The following AMMECR1 variants were observed in gnomAD, a reference collection of about 807,000 sequenced individuals.
The protein encoded by AMMECR1 is nuclear protein AMMECR1.
A neutral mutation model predicts 22.5 loss-of-function variants in AMMECR1; 3 were observed. The ratio of observed to expected loss-of-function variants is 0.13; its 90% CI spans 0.06 to 0.35. AMMECR1 has a LOEUF of 0.35. Among genes scored for constraint, AMMECR1 ranks in the 10% least tolerant of loss-of-function variants. The pLI is 1.00. For synonymous variants in AMMECR1, 130 were observed against 116.7 expected (o/e 1.11, Z -0.74); for missense variants, 235 against 278.7 (o/e 0.84, Z 1.12).
At chrX:110,319,889 C>G (rs1188819574), upstream of AMMECR1, among the ~76,000 whole-genome samples, 1 of 112,012 alleles carries the variant, frequency 8.9e-6, no homozygotes, top group Non-Finnish European at 1.9e-5. Context: ...ACATTACACT[C>G]CAGCAGGTGG....
At chrX:110,329,250 G>A (rs1256875194) in intron 2 of AMMECR1, among the ~76,000 whole-genome samples, 3 of 111,919 alleles carry the variant, frequency 2.7e-5, no homozygotes, top group Admixed American at 9.4e-5. Flanking sequence ...TTTCTTGGCC[G>A]CATAAATGTC....
rs141081578 is a variant in AMMECR1 at position 110,219,049 on chromosome X, G to A, written c.585-2417C>T. On this transcript the variant is annotated intron_variant, in intron 2 of 5. Transcript: ENST00000262844. ...TTTGTTACCTATTCATTGGTTGATG[G>A]ACATTTGGGCTGTTCCCACTTTTTG... is the stretch of plus-strand genomic sequence containing the variant. Among the ~76,000 whole-genome samples, 491 of 111,875 alleles carry A rather than the reference G, an allele frequency of 4.4e-3. 5 individuals are homozygous for A. Among genetic ancestry groups the A allele is most frequent in the Middle Eastern group, 0.023 (5 of 219 alleles).
intron 2 of AMMECR1, among the ~76,000 whole-genome samples, chrX:110,330,613 C>G (rs1025924179): frequency 8.9e-6 from 1 of 112,007 alleles, no homozygotes; most frequent in Non-Finnish European, 1.9e-5. Context: ...TCTAGTAACT[C>G]ATTTTTATTA....
chrX:110,337,641 C>T (rs983265596), intron 2 of AMMECR1, among the ~76,000 whole-genome samples: 5 of 111,647 alleles, frequency 4.5e-5, no homozygotes, highest in South Asian at 3.8e-4. Context: ...GGTTCAACCA[C>T]TGTGGGAAAC....
chrX:110,202,822 G>A (rs1339710030), intron 3 of AMMECR1, among the ~76,000 whole-genome samples: 1 of 111,312 alleles, frequency 9.0e-6, no homozygotes, highest in African/African-American at 3.3e-5. Context: ...TAAGACGGTT[G>A]ATGGCAAAAA....
intron 2 of AMMECR1, among the ~76,000 whole-genome samples, chrX:110,351,650 A>G (rs1218247778): frequency 1.7e-4 from 19 of 112,028 alleles, no homozygotes. Context: ...AAAAGGAAAC[A>G]TAGATGTAAA....
intron 2 of AMMECR1, among the ~76,000 whole-genome samples, chrX:110,372,819 C>T (rs1361013171): frequency 2.7e-5 from 3 of 111,400 alleles, no homozygotes; most frequent in Non-Finnish European, 5.7e-5. Flanking sequence ...ATTGACATTT[C>T]ACCACTCACA....
At chrX:110,337,318 A>G (rs1438725665) in intron 2 of AMMECR1, among the ~76,000 whole-genome samples, 3 of 112,024 alleles carry the variant, frequency 2.7e-5, no homozygotes, top group African/African-American at 6.5e-5. Flanking sequence ...TAATTATTCA[A>G]GTTTTCTGGG....
chrX:110,202,303 G>T, intron 4 of AMMECR1, 143 bp downstream of exon 4: 2 of 446,091 alleles, frequency 4.5e-6, no homozygotes, highest in Non-Finnish European at 7.8e-6. Flanking sequence ...TACAGACATT[G>T]CAGTGGCAGT....
rs200906274 is a variant in AMMECR1 at position 110,371,745 on chromosome X, C to CT, written c.-147-53897dup. Among the ~76,000 whole-genome samples, 903 of 110,926 alleles carry CT rather than the reference C, an allele frequency of 8.1e-3. 11 individuals carry two copies. Among genetic ancestry groups the CT allele is most frequent in the African/African-American group, 0.028 (863 of 30,502 alleles). Reference sequence around the variant, plus strand: ...AGAAGGATCTGCTGTGAGCCACAGACTTTTTTTTGGCAGTCATCTTCTAAA... The same window carrying CT: ...AGAAGGATCTGCTGTGAGCCACAGACTTTTTTTTTGGCAGTCATCTTCTAAA... On this transcript the variant is annotated intron_variant, in intron 2 of 7. Coordinates refer to the AMMECR1 transcript ENST00000372057.
chrX:110,276,584 T>A (rs887302322), intron 1 of AMMECR1, among the ~76,000 whole-genome samples: 2 of 112,175 alleles, frequency 1.8e-5, no homozygotes, highest in African/African-American at 6.5e-5. Context: ...TACTAAAGTA[T>A]GACCCTTCTG....
At chrX:110,392,272 G>GT (rs377409601) in intron 2 of AMMECR1, among the ~76,000 whole-genome samples, 2,364 of 84,912 alleles carry the variant, frequency 0.028, 70 homozygotes, top group African/African-American at 0.064. Context: ...TCTACCACAG[G>GT]TTTTTTTTTT....
rs897378456 is a variant in AMMECR1 at position 110,303,123 on chromosome X, TTAAAGAC to T, written c.473+14469_473+14475del. Among the ~76,000 whole-genome samples the T allele has an allele frequency of 7.2e-4, 80 of 111,841 alleles. 1 individual carries two copies. The highest frequency in any genetic ancestry group is 2.5e-3 in the African/African-American group (76 of 30,786). ...TAACTTAATGAAAGTGAAAGAAACC[TTAAAGAC>T]TAAAGCACTCCTCTTCTGTAAGAAC... On this transcript the variant is annotated intron_variant, in intron 1 of 5. Transcript: ENST00000262844.
At chrX:110,225,017 T>C (rs752037723) in intron 2 of AMMECR1, 1 of 373,930 alleles carries the variant, frequency 2.7e-6, no homozygotes. Flanking sequence ...ATGTCCTCAC[T>C]ACCACATGGG....
chrX:110,305,949 C>T (rs2067991780), intron 1 of AMMECR1, among the ~76,000 whole-genome samples: 1 of 111,004 alleles, frequency 9.0e-6, no homozygotes, highest in African/African-American at 3.3e-5. Context: ...CACCACTGCA[C>T]TCCAGCCTGG....
Position 110,317,961 on chromosome X carries a change from G to A in AMMECR1, c.111C>T (p.Ser37=). ...GTCCCAGCTCCCCAGCTCGGCACTG[G>A]CTCTCTCCGCTGCAGTGGGAGGAGG... is the stretch of plus-strand genomic sequence containing the variant. ...ASSSSHCSGE[S]QCRAGELGLG... The change falls in exon 1 of 6, where the codon AGC becomes AGT. Residue 37 remains serine, a synonymous_variant. Coordinates refer to ENST00000262844, the MANE Select transcript of AMMECR1 (RefSeq NM_015365.3). 1 of 1,198,594 alleles carries A rather than the reference G, an allele frequency of 8.3e-7. No homozygotes were observed. The highest frequency in any genetic ancestry group is 1.1e-6 in the Non-Finnish European group (1 of 889,082).
rs763377297 is a variant in AMMECR1, at chrX:110,286,694, G to A, written c.474-22095C>T. On this transcript the variant is annotated intron_variant, in intron 1 of 5. Coordinates refer to ENST00000262844, the MANE Select transcript of AMMECR1 (RefSeq NM_015365.3). ...CTCAAAAAAAAAAAAAAAAATTAGA[G>A]CATGTATGCAAAGTTACTTAACGTC... 2.8e-5 allele frequency among the ~76,000 whole-genome samples: 3 copies of A among 108,162 alleles called. No homozygotes were observed. In the South Asian group the frequency reaches 1.2e-3, roughly 45 times the overall value. 93.9% of individuals were successfully genotyped at this position (108,162 alleles called of 115,157 possible). A position where few individuals can be genotyped will look rare whatever the true frequency, so the allele number is the denominator to read the frequency against.
chrX:110,322,523 C>T (rs112368712), upstream of AMMECR1, among the ~76,000 whole-genome samples: 4,831 of 111,790 alleles, frequency 0.043, 267 homozygotes, highest in African/African-American at 0.15. Context: ...AAAAATATAG[C>T]TGTTTAACTA....
intron 2 of AMMECR1, among the ~76,000 whole-genome samples, chrX:110,425,848 C>T (rs1297114391): frequency 2.7e-5 from 3 of 112,401 alleles, no homozygotes; most frequent in Non-Finnish European, 5.6e-5. Flanking sequence ...GAATGTCTGT[C>T]GAAGGAATAA....
Sources: gnomAD v4.1 joint callset for allele counts (sites outside exome capture counted in the v4.1 genomes callset) on GRCh38, gnomAD v4.1.1 for gene constraint, MANE v1.5 for transcripts, NCBI Gene and HGNC (gene_info 2026-07-23, HGNC 2026-07-21) for gene names.